The following FAM185A variants were observed in gnomAD, a reference collection of about 807,000 sequenced individuals.
The protein encoded by FAM185A is protein FAM185A.
In FAM185A, 21 loss-of-function variants were observed where a neutral mutation model predicts 45.7. The observed-to-expected ratio is 0.46, with a 90% CI of 0.33 to 0.66. The LOEUF is 0.66. Ranked by LOEUF, FAM185A falls within the 30% of genes least tolerant of loss-of-function variation. FAM185A has a pLI of 0.03. For synonymous variants in FAM185A, 117 were observed against 194.0 expected (o/e 0.60, Z 3.30); for missense variants, 305 against 485.4 (o/e 0.63, Z 3.49).
intron 4 of FAM185A, among the ~76,000 whole-genome samples, chr7:102,764,145 CTG>C (rs907177834): frequency 1.1e-4 from 17 of 151,584 alleles, no homozygotes; most frequent in African/African-American, 4.1e-4. Context: ...ACAGAAGTAA[CTG>C]TAGAAAAGCT....
At chr7:102,800,782 G>T (rs1796745008) in intron 7 of FAM185A, among the ~76,000 whole-genome samples, 1 of 152,120 alleles carries the variant, frequency 6.6e-6, no homozygotes, top group South Asian at 2.1e-4. Context: ...TGAGGAAGAA[G>T]AGAAATCTAA....
Position 102,749,494 on chromosome 7 carries a change from C to G in FAM185A, c.287C>G (p.Pro96Arg). 2 of 1,531,854 alleles carry G rather than the reference C, an allele frequency of 1.3e-6. No individual in the cohort carries two copies. The highest frequency in any genetic ancestry group is 2.5e-5 in the East Asian group (1 of 40,804). The allele number at this position is 1,531,854 out of a possible 1,614,324, so 94.9% of individuals were successfully genotyped here. The change falls in exon 1 of 8, where the codon CCG (proline) becomes CGG (arginine). Residue 96 changes from proline to arginine, a missense_variant. Pro to Arg is a moderately radical substitution (Grantham distance 103, BLOSUM62 -2). Transcript: ENST00000413034. ...AGGCCCCTGGACCCCCTCACCTACC[C>G]GGATGGCGACCGCGTGCTGGTCGCG... is the stretch of plus-strand genomic sequence containing the variant. The part of the protein sequence containing the change: ...AVRPLDPLTY[P>R]DGDRVLVAVC...
intron 4 of FAM185A, among the ~76,000 whole-genome samples, chr7:102,766,178 G>A (rs1181455801): frequency 1.3e-5 from 2 of 152,406 alleles, no homozygotes; most frequent in East Asian, 1.9e-4. Flanking sequence ...TAAGATGTAA[G>A]AGTGTTCATG....
intron 2 of FAM185A, among the ~76,000 whole-genome samples, chr7:102,752,283 T>C (rs1357662458): frequency 4.0e-5 from 6 of 151,174 alleles, no homozygotes; most frequent in Non-Finnish European, 8.9e-5. Flanking sequence ...ATTTTTTTTT[T>C]TTTTTTTGAG....
rs753478077 is a variant in FAM185A at position 102,772,417 on chromosome 7, A to C, written c.802A>C (p.Thr268Pro). Residue 268 changes from threonine (T) to proline (P), a missense_variant, in exon 5 of 8, where the codon ACA (threonine) becomes CCA (proline). Around this residue, in one of 5 missense-constraint regions of FAM185A, gnomAD observed 44 missense variants for 66.8 expected, o/e 0.66. Transcript: ENST00000413034. The part of the protein sequence containing the change: ...ITLGSVHGNI[T>P]LQSKMGNITV... ...CTTTTTCTTTTTGGCAGGTAATATA[A>C]CATTACAAAGCAAGATGGGTAACAT... 6.5e-7 allele frequency: 1 copy of C among 1,543,362 alleles called. No individual in the cohort carries two copies. Among genetic ancestry groups the C allele is most frequent in the African/African-American group, 1.4e-5 (1 of 72,206 alleles).
chr7:102,800,644 TA>T (rs201498633), intron 7 of FAM185A, among the ~76,000 whole-genome samples: 3,568 of 151,856 alleles, frequency 0.023, 104 homozygotes, highest in East Asian at 0.16. Flanking sequence ...AGAGAGAAAA[TA>T]AGAGCTCGAA....
chr7:102,769,321 T>C (rs1435344155), intron 4 of FAM185A, among the ~76,000 whole-genome samples: 3 of 151,640 alleles, frequency 2.0e-5, no homozygotes, highest in Non-Finnish European at 4.4e-5. Context: ...CCTCATTTTG[T>C]ATAGATCTAA....
the FAM185A span, among the ~76,000 whole-genome samples, chr7:102,817,061 A>G: frequency 2.0e-5 from 3 of 152,244 alleles, no homozygotes; most frequent in African/African-American, 2.4e-5. Context: ...TGATGCTGCA[A>G]TAAACATACA....
At chr7:102,749,819 G>A (rs17132619) in intron 1 of FAM185A, among the ~76,000 whole-genome samples, 161 bp downstream of exon 1, 133,806 of 152,244 alleles carry the variant, frequency 0.88, 58,924 homozygotes, top group Admixed American at 0.9. Flanking sequence ...GTTCTTGAGT[G>A]TCCGAGTAGT....
the FAM185A span, among the ~76,000 whole-genome samples, chr7:102,826,133 C>T: frequency 2.0e-5 from 3 of 151,948 alleles, no homozygotes; most frequent in African/African-American, 7.3e-5. Flanking sequence ...GTTTCTTCTC[C>T]CCTTTGCCCC....
chr7:102,835,290 T>C, the FAM185A span, among the ~76,000 whole-genome samples: 1 of 152,202 alleles, frequency 6.6e-6, no homozygotes, highest in Non-Finnish European at 1.5e-5. Flanking sequence ...AGGAGATAGC[T>C]TGGGACCTGT....
At chr7:102,764,927 C>T (rs1303947200) in intron 4 of FAM185A, among the ~76,000 whole-genome samples, 1 of 152,150 alleles carries the variant, frequency 6.6e-6, no homozygotes, top group African/African-American at 2.4e-5. Context: ...GAGTTTGGAG[C>T]CTTTGTGCCA....
the FAM185A span, among the ~76,000 whole-genome samples, chr7:102,817,585 C>T: frequency 1.2e-4 from 19 of 152,126 alleles, no homozygotes; most frequent in Non-Finnish European, 1.3e-4. Flanking sequence ...TGTGCAGAAG[C>T]TCTTACACAT....
the FAM185A span, among the ~76,000 whole-genome samples, chr7:102,814,937 C>T: frequency 1.3e-5 from 2 of 152,128 alleles, no homozygotes; most frequent in Admixed American, 6.5e-5. Context: ...GCTTTTCCCA[C>T]ATTATTCTCC....
the FAM185A span, among the ~76,000 whole-genome samples, chr7:102,844,504 A>G: frequency 6.6e-6 from 1 of 152,188 alleles, no homozygotes; most frequent in Admixed American, 6.5e-5. Context: ...GAGAATGCCT[A>G]AAAGACTGTC....
the FAM185A span, among the ~76,000 whole-genome samples, chr7:102,841,889 T>G: frequency 6.6e-6 from 1 of 152,174 alleles, no homozygotes; most frequent in Non-Finnish European, 1.5e-5. Context: ...AGTAAAACTC[T>G]TAATTATTCC....
the FAM185A span, among the ~76,000 whole-genome samples, chr7:102,819,890 C>G: frequency 4.6e-5 from 7 of 152,184 alleles, no homozygotes; most frequent in Admixed American, 4.6e-4. Flanking sequence ...AAATGCAAAA[C>G]GAAGCTGCTC....
intron 7 of FAM185A, among the ~76,000 whole-genome samples, chr7:102,787,927 C>T (rs1795914051): frequency 6.6e-6 from 1 of 152,180 alleles, no homozygotes; most frequent in Non-Finnish European, 1.5e-5. Context: ...TCTGGCTACA[C>T]TGGTGGCTGA....
chr7:102,817,575 T>C, the FAM185A span, among the ~76,000 whole-genome samples: 5 of 152,218 alleles, frequency 3.3e-5, no homozygotes, highest in Non-Finnish European at 5.9e-5. Context: ...TTTCTTTTGC[T>C]GTGCAGAAGC....
Sources: allele counts gnomAD v4.1 joint callset (sites outside exome capture counted in the v4.1 genomes callset), GRCh38; gene constraint gnomAD v4.1.1; regional missense constraint gnomAD v4.1.1; transcripts MANE v1.5; gene names NCBI Gene and HGNC (gene_info 2026-07-23, HGNC 2026-07-21).